Variants in TMTC2 observed in about 807,000 individuals in gnomAD.
TMTC2 encodes protein O-mannosyl-transferase TMTC2.
TMTC2 carries 43 observed loss-of-function variants against 82.4 expected under a neutral mutation model. That is an observed-to-expected ratio of 0.52 (90% CI 0.41 to 0.67). TMTC2 has a LOEUF of 0.67. Ranked by LOEUF, TMTC2 falls within the 30% of genes least tolerant of loss-of-function variation. The pLI, the probability that TMTC2 is intolerant of heterozygous loss-of-function variation, is 0.00. For synonymous variants in TMTC2, 408 were observed against 381.9 expected (o/e 1.07, Z -0.80); for missense variants, 919 against 1,012.4 (o/e 0.91, Z 1.25).
At chr12:83,108,639 A>T (rs1286323208) in intron 11 of TMTC2, among the ~76,000 whole-genome samples, 1 of 152,076 alleles carries the variant, frequency 6.6e-6, no homozygotes, top group Non-Finnish European at 1.5e-5. Context: ...CAAAAAAAAA[A>T]AAAAAGTGAA....
chr12:82,896,720 A>G, intron 3 of TMTC2, 74 bp downstream of exon 3: 1 of 1,214,818 alleles, frequency 8.2e-7, no homozygotes, highest in South Asian at 1.5e-5. Flanking sequence ...TTCTTGTCTT[A>G]AAACACAGTA....
chr12:82,997,346 G>GTATA (rs1221254720), intron 8 of TMTC2, among the ~76,000 whole-genome samples: 76 of 29,160 alleles, frequency 2.6e-3, no homozygotes, highest in African/African-American at 6.6e-3. Flanking sequence ...GTGTGTGTGT[G>GTATA]TGTATATATA....
At chr12:82,926,284 A>T (rs1311972263) in intron 3 of TMTC2, among the ~76,000 whole-genome samples, 1 of 152,184 alleles carries the variant, frequency 6.6e-6, no homozygotes, top group Admixed American at 6.5e-5. Flanking sequence ...CGGCCACGGG[A>T]AAGTTTTATT....
intron 2 of TMTC2, among the ~76,000 whole-genome samples, chr12:82,886,165 A>G (rs545265912): frequency 6.6e-6 from 1 of 152,276 alleles, no homozygotes; most frequent in South Asian, 2.1e-4. Flanking sequence ...ACACTTGGAC[A>G]TATCTGTATC....
intron 1 of TMTC2, among the ~76,000 whole-genome samples, chr12:82,814,658 A>G (rs1868587919): frequency 6.6e-6 from 1 of 152,214 alleles, no homozygotes; most frequent in African/African-American, 2.4e-5. Flanking sequence ...AAGGACAGAC[A>G]CAAAAGACAG....
In TMTC2 at chr12:83,030,802, G is replaced by A. The variant is rs200953459; in HGVS notation, c.2075G>A (p.Arg692His). The change falls in exon 9 of 12, where the codon CGT becomes CAT. Residue 692 changes from arginine to histidine, a missense_variant. Transcript: ENST00000321196. ...CCATTTTCTCTGTTTTTCAAGGGTC[G>A]TAAGAGTGAGGCTGAAAAGCTCTTC... ...TYGKLLALTG[R>H]KSEAEKLFLK... 7.3e-5 allele frequency: 118 copies of A among 1,612,644 alleles called. No homozygotes were observed. The highest frequency in any genetic ancestry group is 1.3e-4 in the South Asian group (12 of 91,028).
At chr12:83,077,707 T>A (rs1883329786) in intron 11 of TMTC2, among the ~76,000 whole-genome samples, 2 of 151,992 alleles carry the variant, frequency 1.3e-5, no homozygotes, top group Admixed American at 6.6e-5. Context: ...CCCAAGCAGC[T>A]GGGACTACCG....
rs370359828 is a variant in TMTC2, at chr12:82,997,348, G to GTATA, written c.2070+11316_2070+11319dup. On this transcript the variant is annotated intron_variant, in intron 8 of 11. Coordinates refer to ENST00000321196, the MANE Select transcript of TMTC2 (RefSeq NM_152588.3). ...TCTGTGTGTGTGTGTGTGTGTGTGTGTATATATATATATATATGTGTATAT... is the reference window on the plus strand; with the variant it reads ...TCTGTGTGTGTGTGTGTGTGTGTGTGTATATATATATATATATATATGTGTATAT... Among the ~76,000 whole-genome samples the GTATA allele has an allele frequency of 6.7e-3, 144 of 21,620 alleles. 2 individuals carry two copies. Among genetic ancestry groups the GTATA allele is most frequent in the African/African-American group, 0.016 (140 of 8,980 alleles). The allele number at this position is 21,620 out of a possible 152,430, so 14.2% of individuals were successfully genotyped here.
intron 9 of TMTC2, among the ~76,000 whole-genome samples, chr12:83,035,092 T>C (rs1280649591): frequency 3.3e-5 from 5 of 152,184 alleles, no homozygotes; most frequent in African/African-American, 4.8e-5. Flanking sequence ...AAATCCACTC[T>C]CTTGTGTGAT....
At chr12:82,935,323 A>G (rs1876259222) in intron 4 of TMTC2, among the ~76,000 whole-genome samples, 1 of 152,202 alleles carries the variant, frequency 6.6e-6, no homozygotes, top group Non-Finnish European at 1.5e-5. Flanking sequence ...AATAGATATC[A>G]TGCATTTATT....
chr12:82,801,207 C>T (rs574494723), intron 1 of TMTC2, among the ~76,000 whole-genome samples: 9 of 152,028 alleles, frequency 5.9e-5, no homozygotes, highest in South Asian at 2.1e-4. Flanking sequence ...AGAATGAAGC[C>T]GCGGACCCTT....
intron 4 of TMTC2, among the ~76,000 whole-genome samples, chr12:82,961,347 T>C (rs368946521): frequency 3.3e-5 from 5 of 151,910 alleles, no homozygotes; most frequent in East Asian, 3.9e-4. Flanking sequence ...AGTGCTAGAA[T>C]TGGCCCAAAT....
intron 1 of TMTC2, among the ~76,000 whole-genome samples, chr12:82,768,327 T>G (rs1592505877): frequency 6.6e-6 from 1 of 152,330 alleles, no homozygotes; most frequent in Non-Finnish European, 1.5e-5. Flanking sequence ...GTGCAATAGC[T>G]GTGTCTAATG....
chr12:82,903,760 G>C (rs770556009), intron 3 of TMTC2, among the ~76,000 whole-genome samples: 1 of 152,208 alleles, frequency 6.6e-6, no homozygotes, highest in East Asian at 1.9e-4. Context: ...AACGAGGACT[G>C]TGCCTGGTAA....
intron 1 of TMTC2, among the ~76,000 whole-genome samples, chr12:82,695,717 T>C (rs989992030): frequency 4.6e-5 from 7 of 152,290 alleles, no homozygotes; most frequent in Non-Finnish European, 1.0e-4. Flanking sequence ...CCCTGCAAAT[T>C]GTGTCCTCTG....
At chr12:82,763,690 G>A (rs971040743) in intron 1 of TMTC2, among the ~76,000 whole-genome samples, 12 of 152,080 alleles carry the variant, frequency 7.9e-5, no homozygotes, top group African/African-American at 2.9e-4. Flanking sequence ...AAAGAAAAAC[G>A]TGACTTAAGA....
chr12:83,109,810 C>T (rs552773723), intron 11 of TMTC2, among the ~76,000 whole-genome samples: 1 of 152,354 alleles, frequency 6.6e-6, no homozygotes, highest in South Asian at 2.1e-4. Context: ...AAATCCATCT[C>T]TGCCTATTCC....
intron 11 of TMTC2, among the ~76,000 whole-genome samples, chr12:83,112,104 TA>T (rs1220171924): frequency 1.3e-5 from 2 of 152,012 alleles, no homozygotes; most frequent in East Asian, 1.9e-4. Flanking sequence ...AGACCCTGTC[TA>T]AAAAAAAGAC....
chr12:82,962,331 A>G (rs1191892636), intron 4 of TMTC2, among the ~76,000 whole-genome samples: 1 of 151,962 alleles, frequency 6.6e-6, no homozygotes, highest in African/African-American at 2.4e-5. Flanking sequence ...TAGGAATGTA[A>G]TTATGTGGAG....
Sources: allele counts gnomAD v4.1 joint callset (sites outside exome capture counted in the v4.1 genomes callset), GRCh38; gene constraint gnomAD v4.1.1; transcripts MANE v1.5; gene names NCBI Gene and HGNC (gene_info 2026-07-23, HGNC 2026-07-21).